PAPPA: variants seen among roughly 807,000 people sequenced by gnomAD.
PAPPA encodes pappalysin 1, also known as pappalysin-1.
A neutral mutation model predicts 164.0 loss-of-function variants in PAPPA; 60 were observed. The ratio of observed to expected loss-of-function variants is 0.37; its 90% CI spans 0.30 to 0.45. The LOEUF (loss-of-function observed/expected upper bound fraction) is 0.45, where lower values mean the gene tolerates loss of function less well. Ranked by LOEUF, PAPPA falls within the 20% of genes least tolerant of loss-of-function variation. The pLI, the probability that PAPPA is intolerant of heterozygous loss-of-function variation, is 1.00. For missense variants in PAPPA, 1,782 were observed against 2,087.3 expected (o/e 0.85, Z 2.85); for synonymous variants, 875 against 814.1 (o/e 1.07, Z -1.27).
intron 6 of PAPPA, 64 bp downstream of exon 6, chr9:116,227,616 A>T: frequency 6.5e-7 from 1 of 1,544,886 alleles, no homozygotes; most frequent in Non-Finnish European, 8.8e-7. Flanking sequence ...CTTTCAATGT[A>T]TATGGGGTTT....
chr9:116,355,887 T>G (rs1012843239), intron 17 of PAPPA, among the ~76,000 whole-genome samples: 1 of 152,188 alleles, frequency 6.6e-6, no homozygotes, highest in Non-Finnish European at 1.5e-5. Flanking sequence ...CAATTGACGT[T>G]TCTACTTTGT....
rs1587980958 is a variant in PAPPA at position 116,271,505 on chromosome 9, T to A, written c.2953+89T>A. 2 of 911,462 alleles carry A rather than the reference T, an allele frequency of 2.2e-6. No homozygotes were observed. Among genetic ancestry groups the A allele is most frequent in the East Asian group, 4.8e-5 (2 of 41,562 alleles). 56.5% of individuals were successfully genotyped at this position (911,462 alleles called of 1,614,324 possible). On this transcript the variant is annotated intron_variant, in intron 9 of 21. Transcript: ENST00000328252. The surrounding 1 kb of genome is among the most constrained non-coding windows in gnomAD (Gnocchi z 4.2). Reference sequence around the variant, plus strand: ...TGATAATGCCAACAATAGTTATGACTAAATGATGATTCACTCCTTTGTATT... The same window carrying A: ...TGATAATGCCAACAATAGTTATGACAAAATGATGATTCACTCCTTTGTATT...
intron 11 of PAPPA, among the ~76,000 whole-genome samples, 174 bp downstream of exon 11, chr9:116,331,531 A>G (rs1464765437): frequency 2.0e-5 from 3 of 152,226 alleles, no homozygotes; most frequent in Non-Finnish European, 2.9e-5. Context: ...CTAATTGCTC[A>G]TGGAATGCCC....
chr9:116,156,476 T>C (rs1306233263), intron 1 of PAPPA, among the ~76,000 whole-genome samples: 1 of 151,808 alleles, frequency 6.6e-6, no homozygotes, highest in Non-Finnish European at 1.5e-5. Context: ...ACAAAGATTG[T>C]TGCAGTAAAA....
At chr9:116,328,795 C>T (rs906374169) in intron 10 of PAPPA, among the ~76,000 whole-genome samples, 1 of 152,116 alleles carries the variant, frequency 6.6e-6, no homozygotes, top group Non-Finnish European at 1.5e-5. Flanking sequence ...CCATGGAAGA[C>T]ATGTGAAAAC....
In PAPPA at chr9:116,155,674, T is replaced by A. The variant is rs751531619; in HGVS notation, c.415+1087T>A. 5.3e-5 allele frequency among the ~76,000 whole-genome samples: 8 copies of A among 152,316 alleles called. No individual in the cohort carries two copies. The South Asian group carries it at 6.2e-4, about 12-fold the overall frequency. On this transcript the variant is annotated intron_variant, in intron 1 of 21. Coordinates refer to ENST00000328252, the MANE Select transcript of PAPPA (RefSeq NM_002581.5). ...CACACACTTTCTTAGAAGGGAAAGC[T>A]GTGAGCTCTCCGGGCAGTTCTGCTT...
chr9:116,268,385 T>C (rs912834630), intron 8 of PAPPA, among the ~76,000 whole-genome samples: 1 of 152,206 alleles, frequency 6.6e-6, no homozygotes, highest in African/African-American at 2.4e-5. Flanking sequence ...TGATGGAACA[T>C]TGAACAACTA....
chr9:116,195,264 C>T (rs962101119), intron 2 of PAPPA, among the ~76,000 whole-genome samples: 23 of 152,082 alleles, frequency 1.5e-4, no homozygotes, highest in African/African-American at 5.1e-4. Context: ...TGAACAAAGT[C>T]CACCTTTACT....
rs1438618732 is a variant in PAPPA, at chr9:116,265,915, G to A, written c.2791G>A (p.Glu931Lys). 1.9e-6 allele frequency: 3 copies of A among 1,612,190 alleles called. No homozygotes were observed. The highest frequency in any genetic ancestry group is 2.5e-6 in the Non-Finnish European group (3 of 1,178,250). ...GGTCATAACTATTTCAGGAACTGAA[G>A]AGAGTGAGCCATCACCTGCTGTCAC... The part of the protein sequence containing the change: ...YWVITISGTE[E>K]SEPSPAVTYI... The change falls in exon 8 of 22, where the codon GAG (glutamate) becomes AAG (lysine). Residue 931 changes from glutamate to lysine, a missense_variant. Around this residue, in one of 2 missense-constraint regions of PAPPA, gnomAD observed 1,324 missense variants for 1,656.9 expected, o/e 0.80. Coordinates refer to ENST00000328252, the MANE Select transcript of PAPPA (RefSeq NM_002581.5).
chr9:116,301,173 C>T (rs530391593), intron 9 of PAPPA, among the ~76,000 whole-genome samples: 2 of 152,156 alleles, frequency 1.3e-5, no homozygotes, highest in South Asian at 4.2e-4. Context: ...TCCTGATTTG[C>T]CTGAGAAATT....
chr9:116,175,370 T>C (rs906887254), intron 1 of PAPPA, among the ~76,000 whole-genome samples: 1 of 152,168 alleles, frequency 6.6e-6, no homozygotes, highest in Admixed American at 6.5e-5. Context: ...GCTAGGAAAA[T>C]AGATTTTAAG....
intron 21 of PAPPA, among the ~76,000 whole-genome samples, chr9:116,393,092 C>T (rs555602464): frequency 6.6e-6 from 1 of 152,218 alleles, no homozygotes; most frequent in South Asian, 2.1e-4. Context: ...GTGCCAAGAC[C>T]GGCCTGAGAA....
At chr9:116,241,391 A>G (rs1318500060) in intron 7 of PAPPA, among the ~76,000 whole-genome samples, 2 of 152,218 alleles carry the variant, frequency 1.3e-5, no homozygotes, top group Non-Finnish European at 2.9e-5. Flanking sequence ...TGGTCAGGAA[A>G]GTCCTCTCTG....
chr9:116,220,420 G>A (rs1285411210), intron 5 of PAPPA, among the ~76,000 whole-genome samples: 1 of 151,024 alleles, frequency 6.6e-6, no homozygotes, highest in African/African-American at 2.4e-5. Flanking sequence ...TGGGATGGAG[G>A]TAATAGTCTC....
chr9:116,355,009 G>A (rs1033742514), intron 17 of PAPPA, among the ~76,000 whole-genome samples: 3 of 151,740 alleles, frequency 2.0e-5, no homozygotes, highest in Non-Finnish European at 4.4e-5. Flanking sequence ...ATCTTCCTTC[G>A]CAATTTAGCC....
chr9:116,205,069 C>CTT (rs61708820), intron 2 of PAPPA, among the ~76,000 whole-genome samples: 2 of 142,252 alleles, frequency 1.4e-5, no homozygotes, highest in South Asian at 2.3e-4. Flanking sequence ...TGTGTTGTTG[C>CTT]TTTTTTTTTT....
chr9:116,352,656 G>C, intron 15 of PAPPA, 50 bp from the exon 16 acceptor site: 1 of 1,430,740 alleles, frequency 7.0e-7, no homozygotes, highest in Non-Finnish European at 9.9e-7. Flanking sequence ...CATTAGCTTG[G>C]CTATCAGAGA....
chr9:116,275,669 A>C (rs1587982689), intron 9 of PAPPA, among the ~76,000 whole-genome samples: 21 of 130,252 alleles, frequency 1.6e-4, no homozygotes, highest in South Asian at 4.9e-4. Context: ...TTCTTCCTTC[A>C]CTCCTTCTTC....
intron 5 of PAPPA, among the ~76,000 whole-genome samples, chr9:116,226,015 AAG>A (rs1372774261): frequency 2.0e-5 from 3 of 152,226 alleles, no homozygotes; most frequent in African/African-American, 7.2e-5. Flanking sequence ...ATGTCAAAAA[AAG>A]TTTTCACAGA....
Sources: gnomAD v4.1 joint callset for allele counts (sites outside exome capture counted in the v4.1 genomes callset) on GRCh38, gnomAD v4.1.1 for gene constraint, gnomAD v4.1.1 regional missense constraint, Gnocchi (gnomAD v3.1) non-coding constraint, MANE v1.5 for transcripts, NCBI Gene and HGNC (gene_info 2026-07-23, HGNC 2026-07-21) for gene names.